HS6ST2: variants seen among roughly 807,000 people sequenced by gnomAD.
The protein encoded by HS6ST2 is heparan sulfate 6-O-sulfotransferase 2.
Under a neutral mutation model 33.0 loss-of-function variants are expected in HS6ST2, and 17 were observed. That is an observed-to-expected ratio of 0.52 (90% confidence interval 0.35 to 0.77). The LOEUF is 0.77. Ranked by LOEUF, HS6ST2 falls within the 30% of genes least tolerant of loss-of-function variation. The pLI is 0.01. For synonymous variants in HS6ST2, 248 were observed against 237.1 expected, an observed-to-expected ratio of 1.05 and a Z score of -0.42; for missense variants, 519 against 551.7, an observed-to-expected ratio of 0.94 and a Z score of 0.59.
At chrX:132,633,910 C>T (rs1438529498) in intron 4 of HS6ST2, among the ~76,000 whole-genome samples, 2 of 111,965 alleles carry the variant, frequency 1.8e-5, no homozygotes, top group African/African-American at 6.5e-5. Context: ...CAGCCTATCA[C>T]CTTCCTCATT....
At chrX:132,788,559 A>C (rs1408390884) in intron 2 of HS6ST2, among the ~76,000 whole-genome samples, 8 of 112,118 alleles carry the variant, frequency 7.1e-5, no homozygotes, top group Non-Finnish European at 3.8e-5. Context: ...AGAGTCCCAC[A>C]TCTCTCACTT....
intron 2 of HS6ST2, among the ~76,000 whole-genome samples, chrX:132,825,920 T>A (rs771888507): frequency 8.9e-6 from 1 of 112,309 alleles, no homozygotes; most frequent in East Asian, 2.8e-4. Flanking sequence ...CTCCCCCACA[T>A]GAACTGCTTG....
At chrX:132,766,884 G>A (rs777447749) in intron 2 of HS6ST2, among the ~76,000 whole-genome samples, 1 of 111,907 alleles carries the variant, frequency 8.9e-6, no homozygotes, top group South Asian at 3.8e-4. Flanking sequence ...ATAACCCTAT[G>A]CAGCAAATAA....
intron 2 of HS6ST2, among the ~76,000 whole-genome samples, chrX:132,709,429 C>T (rs1009829647): frequency 1.8e-5 from 2 of 111,669 alleles, no homozygotes; most frequent in African/African-American, 6.5e-5. Flanking sequence ...TTTTTAATAG[C>T]ATGGCTAGCA....
At chrX:132,721,088 ATACT>A (rs2064323587) in intron 2 of HS6ST2, among the ~76,000 whole-genome samples, 1 of 111,980 alleles carries the variant, frequency 8.9e-6, no homozygotes, top group African/African-American at 3.2e-5. Flanking sequence ...GATCTAATAG[ATACT>A]TACAGAACAT....
chrX:132,734,072 T>C (rs768961130), intron 2 of HS6ST2, among the ~76,000 whole-genome samples: 5 of 99,863 alleles, frequency 5.0e-5, no homozygotes, highest in African/African-American at 7.4e-5. Context: ...CCTGAGACAA[T>C]GAAAACTCCA....
intron 2 of HS6ST2, among the ~76,000 whole-genome samples, chrX:132,786,768 C>T (rs1227562092): frequency 1.8e-5 from 2 of 109,084 alleles, no homozygotes; most frequent in Non-Finnish European, 3.8e-5. Context: ...ATTACAGGCG[C>T]CTGCCACCAT....
intron 2 of HS6ST2, among the ~76,000 whole-genome samples, chrX:132,880,139 A>C (rs1314861108): frequency 8.9e-6 from 1 of 111,812 alleles, no homozygotes; most frequent in Non-Finnish European, 1.9e-5. Context: ...AATGTTAAAA[A>C]ACTTTTATTC....
At chrX:132,903,282 A>T (rs1456770980) in intron 2 of HS6ST2, among the ~76,000 whole-genome samples, 1 of 111,962 alleles carries the variant, frequency 8.9e-6, no homozygotes, top group Non-Finnish European at 1.9e-5. Context: ...TACATTGCAG[A>T]AAGAAATTAA....
intron 3 of HS6ST2, among the ~76,000 whole-genome samples, chrX:132,689,543 C>A (rs57262753): frequency 0.015 from 1,642 of 111,929 alleles, 38 homozygotes; most frequent in African/African-American, 0.049. Context: ...TACTGGGAAG[C>A]TTAATATTAC....
In HS6ST2 at chrX:132,951,796, A is replaced by G. The variant is rs566600372; in HGVS notation, c.947+5012T>C. ...TTGCCGATTAGACCCAAACTACAAC[A>G]TAACAGATGGACTTTTGTCTATTTT... On this transcript the variant is annotated intron_variant, in intron 2 of 4. Transcript: ENST00000370833. Among the ~76,000 whole-genome samples the G allele has an allele frequency of 4.0e-4, 45 of 112,382 alleles. No individual in the cohort carries two copies. In the South Asian group the frequency reaches 0.016, roughly 40 times the overall value.
chrX:132,628,195 G>A lies in HS6ST2; in HGVS notation c.*28C>T, dbSNP rs774515787. On this transcript the variant is annotated 3_prime_UTR_variant, in exon 5 of 5. Coordinates refer to ENST00000370833, the MANE Select transcript of HS6ST2 (RefSeq NM_001394073.1). ...CCATCTTTTCAGTGGCGCTTTGGGA[G>A]AAGTATGTACAGGCCTTTTTGAGCC... The A allele has an allele frequency of 3.7e-5, 37 of 1,007,107 alleles. No individual in the cohort carries two copies. The East Asian group carries it at 5.0e-4, about 14-fold the overall frequency. 83.0% of individuals were successfully genotyped at this position (1,007,107 alleles called of 1,213,427 possible). A position where few individuals can be genotyped will look rare whatever the true frequency, so the allele number is the denominator to read the frequency against.
At chrX:132,806,851 AG>A (rs1315699467) in intron 2 of HS6ST2, among the ~76,000 whole-genome samples, 2 of 109,695 alleles carry the variant, frequency 1.8e-5, no homozygotes, top group Admixed American at 2.0e-4. Context: ...CCTAATTGAA[AG>A]GGTAAGTAAA....
rs906169876 is a variant in HS6ST2 at position 132,852,738 on chromosome X, G to A, written c.947+104070C>T. Among the ~76,000 whole-genome samples the A allele has an allele frequency of 8.0e-5, 9 of 112,228 alleles. No individual in the cohort carries two copies. The East Asian group carries it at 1.4e-3, about 18-fold the overall frequency. ...TGTATAGAATTCCGATTATGGCCCT[G>A]TAGTTACCTACAGCCATTCTATAAA... On this transcript the variant is annotated intron_variant, in intron 2 of 4. Transcript: ENST00000370833.
intron 2 of HS6ST2, among the ~76,000 whole-genome samples, chrX:132,822,440 G>A (rs1569494610): frequency 9.0e-6 from 1 of 111,229 alleles, no homozygotes; most frequent in Non-Finnish European, 1.9e-5. Context: ...GAAGAGTAAG[G>A]CCCAGTACAA....
chrX:132,900,012 T>C (rs912735878), intron 2 of HS6ST2, among the ~76,000 whole-genome samples: 6 of 111,458 alleles, frequency 5.4e-5, no homozygotes, highest in Admixed American at 1.9e-4. Context: ...TCTGAGAAAA[T>C]TACTGCCAGA....
At chrX:132,945,088 T>C (rs1039321838) in intron 2 of HS6ST2, among the ~76,000 whole-genome samples, 2 of 110,850 alleles carry the variant, frequency 1.8e-5, no homozygotes, top group Non-Finnish European at 3.8e-5. Flanking sequence ...TGGGGGAAAA[T>C]TTTTGCAATC....
chrX:132,877,774 C>T (rs1339212002), intron 2 of HS6ST2, among the ~76,000 whole-genome samples: 1 of 110,881 alleles, frequency 9.0e-6, no homozygotes, highest in Admixed American at 9.7e-5. Flanking sequence ...TTGAACCCTA[C>T]AATAAGCTAC....
At chrX:132,800,794 G>A (rs2065227248) in intron 2 of HS6ST2, among the ~76,000 whole-genome samples, 1 of 111,895 alleles carries the variant, frequency 8.9e-6, no homozygotes, top group Non-Finnish European at 1.9e-5. Flanking sequence ...CAGGTGTTGA[G>A]GGAGAAACCT....
Sources: allele counts gnomAD v4.1 joint callset (sites outside exome capture counted in the v4.1 genomes callset), GRCh38; gene constraint gnomAD v4.1.1; transcripts MANE v1.5; gene names NCBI Gene and HGNC (gene_info 2026-07-23, HGNC 2026-07-21).